The following ASAP2 variants were observed in gnomAD, a reference collection of about 807,000 sequenced individuals.
ASAP2 encodes the protein arf-GAP with SH3 domain, ANK repeat and PH domain-containing protein 2.
ASAP2 carries 45 observed loss-of-function variants against 131.4 expected under a neutral mutation model. That is an observed-to-expected ratio of 0.34 (90% CI 0.27 to 0.44). The LOEUF is 0.44. Among genes scored for constraint, ASAP2 ranks in the 20% least tolerant of loss-of-function variants. The pLI is 1.00. For missense variants in ASAP2, 1,011 were observed against 1,297.0 expected (o/e 0.78, Z 3.39); for synonymous variants, 510 against 503.0 (o/e 1.01, Z -0.19).
intron 1 of ASAP2, chr2:9,271,421 C>T: frequency 1.4e-6 from 2 of 1,434,966 alleles, no homozygotes; most frequent in South Asian, 2.3e-5. Flanking sequence ...ATTACAGTAC[C>T]ATTGCAGGCA....
intron 16 of ASAP2, among the ~76,000 whole-genome samples, chr2:9,371,784 A>G (rs1464859494): frequency 1.3e-5 from 2 of 152,116 alleles, no homozygotes; most frequent in African/African-American, 4.8e-5. Flanking sequence ...CAAATGTATC[A>G]TTATGTTAAT....
In ASAP2 at chr2:9,388,611, G is replaced by A. The variant is rs936022839; in HGVS notation, c.2383+65G>A. ...TCTTGTTTTGTGGTTTGGGAAGTTT[G>A]CAGCTGCCCTGCCTCCAACTCAGTG... On this transcript the variant is annotated intron_variant, in intron 22 of 27. Transcript: ENST00000281419. 1.7e-5 allele frequency: 26 copies of A among 1,555,188 alleles called. 1 individual carries two copies. The Middle Eastern group carries it at 5.1e-4, about 31-fold the overall frequency.
At chr2:9,211,967 A>G (rs1661591588) in intron 1 of ASAP2, among the ~76,000 whole-genome samples, 1 of 152,160 alleles carries the variant, frequency 6.6e-6, no homozygotes, top group South Asian at 2.1e-4. Context: ...TGTGTTCTGA[A>G]ATTTGAATTT....
At chr2:9,317,657 C>T (rs1368475214) in intron 3 of ASAP2, among the ~76,000 whole-genome samples, 2 of 151,188 alleles carry the variant, frequency 1.3e-5, no homozygotes, top group African/African-American at 4.9e-5. Context: ...TACACACTTA[C>T]ACAATCACTC....
intron 3 of ASAP2, among the ~76,000 whole-genome samples, chr2:9,315,133 A>G (rs745869812): frequency 6.6e-6 from 1 of 152,158 alleles, no homozygotes; most frequent in Admixed American, 6.5e-5. Context: ...GAGAGAGTTC[A>G]GTTTGGAGAA....
chr2:9,245,513 A>G (rs1664278626), intron 1 of ASAP2, among the ~76,000 whole-genome samples: 1 of 152,160 alleles, frequency 6.6e-6, no homozygotes, highest in Non-Finnish European at 1.5e-5. Flanking sequence ...TACCTTCTGT[A>G]ACCTACACTT....
At chr2:9,314,026 T>TA (rs1338976798) in intron 3 of ASAP2, among the ~76,000 whole-genome samples, 2 of 152,164 alleles carry the variant, frequency 1.3e-5, no homozygotes, top group Admixed American at 6.5e-5. Context: ...CTCTGTTACC[T>TA]AGGCTGGAGT....
chr2:9,310,821 G>T (rs1166891638), intron 3 of ASAP2, among the ~76,000 whole-genome samples: 1 of 152,198 alleles, frequency 6.6e-6, no homozygotes, highest in Non-Finnish European at 1.5e-5. Flanking sequence ...GAAGGACATT[G>T]TGAAGAGATG....
chr2:9,277,307 G>A (rs1007461000), intron 1 of ASAP2, among the ~76,000 whole-genome samples: 1 of 152,198 alleles, frequency 6.6e-6, no homozygotes, highest in African/African-American at 2.4e-5. Flanking sequence ...TAGGTCCCGC[G>A]AGTCTGCGGC....
intron 3 of ASAP2, among the ~76,000 whole-genome samples, chr2:9,303,664 A>G (rs577479213): frequency 8.5e-5 from 13 of 152,366 alleles, no homozygotes; most frequent in African/African-American, 2.2e-4. Context: ...GCTATGTTCT[A>G]TACTCACAAA....
chr2:9,306,874 C>T (rs896211419), intron 3 of ASAP2, among the ~76,000 whole-genome samples: 9 of 152,082 alleles, frequency 5.9e-5, no homozygotes, highest in African/African-American at 2.2e-4. Flanking sequence ...CCATTGGTGC[C>T]CCAGGGGCCC....
intron 9 of ASAP2, among the ~76,000 whole-genome samples, chr2:9,339,675 A>G (rs914989188): frequency 3.3e-5 from 5 of 152,210 alleles, no homozygotes; most frequent in Middle Eastern, 6.8e-3. Context: ...TGTGTGTGAC[A>G]TATCCCTTAG....
chr2:9,354,720 C>G (rs1021043562), intron 12 of ASAP2, among the ~76,000 whole-genome samples: 2 of 152,064 alleles, frequency 1.3e-5, no homozygotes, highest in Non-Finnish European at 2.9e-5. Flanking sequence ...GTCCAGGAAC[C>G]AAGTTCTGCT....
intron 3 of ASAP2, among the ~76,000 whole-genome samples, chr2:9,309,887 G>A (rs1287919515): frequency 6.6e-6 from 1 of 152,210 alleles, no homozygotes; most frequent in African/African-American, 2.4e-5. Context: ...TATCTGTCCT[G>A]TGGGACATCA....
rs138837877 is a variant in ASAP2, at chr2:9,297,701, C to T, written c.345+256C>T. Among the ~76,000 whole-genome samples, 36 of 152,296 alleles carry T rather than the reference C, an allele frequency of 2.4e-4. No homozygotes were observed. The East Asian group carries it at 6.4e-3, about 27-fold the overall frequency. The stretch of plus-strand genomic sequence containing the variant: ...ATGGGACAAAATGGGTAAATGCATT[C>T]GTCTTCTTAAGGGCCTCTGACTTGA... On this transcript the variant is annotated intron_variant, in intron 3 of 27. Coordinates refer to ENST00000281419, the MANE Select transcript of ASAP2 (RefSeq NM_003887.3).
rs932182058 is a variant in ASAP2 at position 9,378,095 on chromosome 2, C to A, written c.1833-849C>A. ...CTGAAAATGAAACACACCCCCCGCT[C>A]CCCATGCCCACAATTTGGTGAAAAA... On this transcript the variant is annotated intron_variant, in intron 18 of 27. Transcript: ENST00000281419. 4.6e-4 allele frequency among the ~76,000 whole-genome samples: 70 copies of A among 152,140 alleles called. 1 individual carries two copies. Among genetic ancestry groups the A allele is most frequent in the Non-Finnish European group, 1.3e-4 (9 of 68,028 alleles).
chr2:9,383,918 A>G (rs1675062087), intron 20 of ASAP2, among the ~76,000 whole-genome samples: 1 of 152,186 alleles, frequency 6.6e-6, no homozygotes, highest in Non-Finnish European at 1.5e-5. Context: ...CAAGGACAGA[A>G]AACCAAACAC....
In ASAP2 at chr2:9,268,354, A is replaced by G. The variant is rs1666083501; in HGVS notation, c.127-10963A>G. 6.6e-6 allele frequency among the ~76,000 whole-genome samples: 1 copy of G among 152,186 alleles called. No individual in the cohort carries two copies. Among genetic ancestry groups the G allele is most frequent in the Non-Finnish European group, 1.5e-5 (1 of 68,038 alleles). ...TGAGTAATTTTAATTTTTTAAGATA[A>G]TACCAAAACACGCCCTTCTCATCTG... On this transcript the variant is annotated intron_variant, in intron 1 of 27. Coordinates refer to ENST00000281419, the MANE Select transcript of ASAP2 (RefSeq NM_003887.3). This position sits in a 1 kb window ranked among gnomAD's most constrained non-coding sequence, Gnocchi z 4.1.
At chr2:9,326,402 C>A (rs551761664) in intron 6 of ASAP2, among the ~76,000 whole-genome samples, 4 of 152,222 alleles carry the variant, frequency 2.6e-5, no homozygotes, top group African/African-American at 9.6e-5. Flanking sequence ...GCCCTTTCTT[C>A]AAAATTCATT....
Sources: allele counts gnomAD v4.1 joint callset (sites outside exome capture counted in the v4.1 genomes callset), GRCh38; gene constraint gnomAD v4.1.1; non-coding constraint Gnocchi (gnomAD v3.1); transcripts MANE v1.5; gene names NCBI Gene and HGNC (gene_info 2026-07-23, HGNC 2026-07-21).